The following RECK variants were observed in gnomAD, a reference collection of about 807,000 sequenced individuals.
The protein encoded by RECK is reversion-inducing cysteine-rich protein with Kazal motifs.
In RECK, 69 loss-of-function variants were observed where a neutral mutation model predicts 115.1. That is an observed-to-expected ratio of 0.60 (90% CI 0.49 to 0.73). The LOEUF is 0.73. RECK is among the 30% of genes least tolerant of loss of function. The pLI is 0.00. For synonymous variants in RECK, 414 were observed against 419.7 expected (o/e 0.99, Z 0.17); for missense variants, 1,047 against 1,203.7 (o/e 0.87, Z 1.93).
chr9:36,102,300 T>C, intron 12 of RECK, 70 bp downstream of exon 12: 1 of 1,364,280 alleles, frequency 7.3e-7, no homozygotes, highest in Admixed American at 2.0e-5. Flanking sequence ...TGTTTTACTA[T>C]TTGTTTTGGA....
chr9:36,057,517 G>A (rs1821577411), intron 2 of RECK, among the ~76,000 whole-genome samples: 1 of 152,130 alleles, frequency 6.6e-6, no homozygotes, highest in Non-Finnish European at 1.5e-5. Context: ...CATTCTGAAG[G>A]TTTTCCACTT....
chr9:36,092,457 C>T (rs987498033), intron 10 of RECK, among the ~76,000 whole-genome samples: 2 of 151,742 alleles, frequency 1.3e-5, no homozygotes, highest in Non-Finnish European at 2.9e-5. Flanking sequence ...CTGCAACCTC[C>T]GCCTCCTGGA....
intron 1 of RECK, among the ~76,000 whole-genome samples, chr9:36,043,010 CTTTTTTTTTTTTTTTTTT>C (rs61673918): frequency 3.4e-5 from 2 of 59,438 alleles, no homozygotes; most frequent in African/African-American, 6.9e-5. Flanking sequence ...CCTTAGCCCA[CTTTTTTTTTTTTTTTTTT>C]TTTTTTTTTT....
intron 13 of RECK, among the ~76,000 whole-genome samples, chr9:36,107,007 G>C (rs1823844488): frequency 6.6e-6 from 1 of 150,906 alleles, no homozygotes; most frequent in African/African-American, 2.4e-5. Context: ...TCAGGAGACT[G>C]AGGCAGGAGA....
intron 14 of RECK, 150 bp downstream of exon 14, chr9:36,108,314 C>T (rs1433299330): frequency 2.0e-6 from 1 of 495,134 alleles, no homozygotes; most frequent in East Asian, 3.2e-5. Flanking sequence ...AGCACTAGGA[C>T]TTCTAAGGAA....
At position 36,036,920 on chromosome 9, in the gene RECK, C is replaced by CGGCGGCGGT. The variant is rs1415494211; in HGVS notation, c.-78_-70dup. On this transcript the variant is annotated 5_prime_UTR_variant, in exon 1 of 21. Transcript: ENST00000377966. The stretch of plus-strand genomic sequence containing the variant: ...CGCTGGGGGCGGGGCCTCGCGCGAG[C>CGGCGGCGGT]GGCGGCGGTAGCGGCGGCAGCGGCT... 7,767 of 943,340 alleles carry CGGCGGCGGT rather than the reference C, an allele frequency of 8.2e-3. 50 individuals carry two copies. The highest frequency in any genetic ancestry group is 9.9e-3 in the Non-Finnish European group (7,090 of 713,516). The allele number at this position is 943,340 out of a possible 1,614,324, so 58.4% of individuals were successfully genotyped here. A position where few individuals can be genotyped will look rare whatever the true frequency, so the allele number is the denominator to read the frequency against.
intron 15 of RECK, among the ~76,000 whole-genome samples, chr9:36,111,773 T>C (rs970181081): frequency 6.6e-6 from 1 of 152,078 alleles, no homozygotes; most frequent in East Asian, 1.9e-4. Flanking sequence ...AATTCTAGAT[T>C]TTATATGCCA....
intron 9 of RECK, 114 bp downstream of exon 9, chr9:36,088,075 A>G: frequency 2.8e-6 from 2 of 726,406 alleles, no homozygotes; most frequent in Non-Finnish European, 4.6e-6. Flanking sequence ...TAGCATTTAG[A>G]AAATATAAAA....
At chr9:36,064,622 C>T (rs893695404) in intron 5 of RECK, among the ~76,000 whole-genome samples, 1 of 152,192 alleles carries the variant, frequency 6.6e-6, no homozygotes. Flanking sequence ...TTCACAGAGA[C>T]GACTATCCTA....
At chr9:36,038,049 T>C (rs1470280406) in intron 1 of RECK, among the ~76,000 whole-genome samples, 3 of 147,134 alleles carry the variant, frequency 2.0e-5, no homozygotes, top group African/African-American at 7.5e-5. Flanking sequence ...CGGTAGGCTC[T>C]CCCCTGTAAT....
chr9:36,077,896 T>C (rs1201088456), intron 6 of RECK, among the ~76,000 whole-genome samples: 1 of 152,094 alleles, frequency 6.6e-6, no homozygotes, highest in Non-Finnish European at 1.5e-5. Flanking sequence ...GCCATAGAAG[T>C]GTGCTTAGCG....
chr9:36,066,272 C>T lies in RECK; in HGVS notation c.405+648C>T, dbSNP rs187525687. 1.1e-4 allele frequency among the ~76,000 whole-genome samples: 17 copies of T among 152,226 alleles called. No individual in the cohort carries two copies. In the East Asian group the frequency reaches 2.3e-3, roughly 21 times the overall value. Reference sequence around the variant, plus strand: ...TGAAAAAACCTCCTCATTGGGGCTACTTTGTTCATTTTCTAGAACTCTGTT... The same window carrying T: ...TGAAAAAACCTCCTCATTGGGGCTATTTTGTTCATTTTCTAGAACTCTGTT... On this transcript the variant is annotated intron_variant, in intron 6 of 20. Coordinates refer to ENST00000377966, the MANE Select transcript of RECK (RefSeq NM_021111.3).
intron 2 of RECK, 46 bp downstream of exon 2, chr9:36,052,369 A>AT: frequency 7.1e-7 from 1 of 1,408,780 alleles, no homozygotes; most frequent in Non-Finnish European, 1.0e-6. Flanking sequence ...ACAGTGGTTC[A>AT]TGCCTGTAAT....
intron 6 of RECK, 64 bp downstream of exon 6, chr9:36,065,688 C>A: frequency 8.0e-7 from 1 of 1,253,162 alleles, no homozygotes; most frequent in Non-Finnish European, 1.1e-6. Flanking sequence ...AACAAAATTA[C>A]TTAAATTTTT....
At chr9:36,064,567 A>G (rs1253001664) in intron 5 of RECK, among the ~76,000 whole-genome samples, 1 of 152,174 alleles carries the variant, frequency 6.6e-6, no homozygotes. Flanking sequence ...TCTTCTAGGG[A>G]CTTATCTCAG....
At chr9:36,120,092 G>C (rs942698702) in intron 18 of RECK, among the ~76,000 whole-genome samples, 4 of 151,926 alleles carry the variant, frequency 2.6e-5, no homozygotes, top group Admixed American at 1.3e-4. Flanking sequence ...AAAATTAGCC[G>C]GGCATGGTGG....
At chr9:36,046,041 A>G (rs892013715) in intron 1 of RECK, among the ~76,000 whole-genome samples, 14 of 152,234 alleles carry the variant, frequency 9.2e-5, no homozygotes, top group African/African-American at 3.4e-4. Flanking sequence ...TTTAATGAAG[A>G]TAACACCTGT....
rs117305677 is a variant in RECK, at chr9:36,100,878, C to T, written c.1298+335C>T. ...AGTTCATGAAACATTTATTAAATACCTCTGATGCACAATTCTATTTTTATA... is the reference window on the plus strand; with the variant it reads ...AGTTCATGAAACATTTATTAAATACTTCTGATGCACAATTCTATTTTTATA... On this transcript the variant is annotated intron_variant, in intron 11 of 20. Coordinates refer to ENST00000377966, the MANE Select transcript of RECK (RefSeq NM_021111.3). Among the ~76,000 whole-genome samples, 1,457 of 152,172 alleles carry T rather than the reference C, an allele frequency of 9.6e-3. 11 individuals carry two copies. The highest frequency in any genetic ancestry group is 0.015 in the Non-Finnish European group (1,019 of 68,012).
intron 8 of RECK, among the ~76,000 whole-genome samples, chr9:36,086,587 G>A (rs1822971675): frequency 6.6e-6 from 1 of 152,206 alleles, no homozygotes. Flanking sequence ...TGCCACTGCT[G>A]GCTCGGGTGG....
Sources: gnomAD v4.1 joint callset for allele counts (sites outside exome capture counted in the v4.1 genomes callset) on GRCh38, gnomAD v4.1.1 for gene constraint, MANE v1.5 for transcripts, NCBI Gene and HGNC (gene_info 2026-07-23, HGNC 2026-07-21) for gene names.